NIN: variants seen among roughly 807,000 people sequenced by gnomAD.
NIN encodes the protein glycogen synthase kinase 3 beta-interacting protein.
NIN carries 137 observed loss-of-function variants against 257.6 expected under a neutral mutation model. The ratio of observed to expected loss-of-function variants is 0.53; its 90% CI spans 0.46 to 0.61. The LOEUF is 0.61. NIN is among the 20% of genes least tolerant of loss of function. The pLI is 0.00. For synonymous variants in NIN, 918 were observed against 919.8 expected, an observed-to-expected ratio of 1.00 and a Z score of 0.04; for missense variants, 2,439 against 2,501.2, an observed-to-expected ratio of 0.98 and a Z score of 0.53.
chr14:50,739,606 CCT>C (rs2041174517), intron 25 of NIN, 119 bp from the exon 26 acceptor site: 4 of 776,142 alleles, frequency 5.2e-6, no homozygotes. Flanking sequence ...TCAATTGTCC[CCT>C]CAGTCTTCTA....
In NIN at chr14:50,729,735, G is replaced by C; in HGVS notation, c.5878-12C>G. On this transcript the variant is annotated splice_polypyrimidine_tract_variant and intron_variant, in intron 28 of 30. Coordinates refer to ENST00000530997, the MANE Select transcript of NIN (RefSeq NM_020921.4). ...CTCAGGTGCTGCATCTGAAGGACAA[G>C]GGCAAAGCCCTGTTCAGCTGAGTCC... 8.2e-6 allele frequency: 13 copies of C among 1,583,626 alleles called. No homozygotes were observed. Among genetic ancestry groups the C allele is most frequent in the Non-Finnish European group, 1.1e-5 (13 of 1,164,554 alleles).
chr14:50,720,975 T>C lies in NIN; in HGVS notation c.*2488A>G. 1 of 191,684 alleles carries C rather than the reference T, an allele frequency of 5.2e-6. No homozygotes were observed. Among genetic ancestry groups the C allele is most frequent in the Non-Finnish European group, 1.1e-5 (1 of 91,550 alleles). 11.9% of individuals were successfully genotyped at this position (191,684 alleles called of 1,614,324 possible). On this transcript the variant is annotated 3_prime_UTR_variant, in exon 31 of 31. Transcript: ENST00000530997. Reference sequence around the variant, plus strand: ...ATATATAACTTAATATTTTGAAGAATGCTATTGTAAAGTTTGAAACAAGAT... The same window carrying C: ...ATATATAACTTAATATTTTGAAGAACGCTATTGTAAAGTTTGAAACAAGAT...
Position 50,772,307 on chromosome 14 carries a change from G to T in NIN, c.975C>A (p.Ile325=), listed in dbSNP as rs2042768089. 6 of 1,594,270 alleles carry T rather than the reference G, an allele frequency of 3.8e-6. No homozygotes were observed. The highest frequency in any genetic ancestry group is 5.2e-6 in the Non-Finnish European group (6 of 1,163,938). Residue 325 remains isoleucine (I), a synonymous_variant, in exon 9 of 31, where the codon ATC becomes ATA. Coordinates refer to ENST00000530997, the MANE Select transcript of NIN (RefSeq NM_020921.4). ...QEEGIENSQE[I]LKALDFSLDG... is the part of the protein sequence containing the mutation. The stretch of plus-strand genomic sequence containing the variant: ...TCAATTTTAGCTGCCACACCTTCAG[G>T]ATCTCCTGGCTGTTCTCAATGCCCT...
Position 50,758,041 on chromosome 14 carries a change from T to C in NIN, c.2989A>G (p.Thr997Ala). 2 of 1,614,240 alleles carry C rather than the reference T, an allele frequency of 1.2e-6. No homozygotes were observed. Among genetic ancestry groups the C allele is most frequent in the South Asian group, 2.2e-5 (2 of 91,082 alleles). Residue 997 changes from threonine (T) to alanine (A), a missense_variant, in exon 18 of 31, where the codon ACC becomes GCC. Transcript: ENST00000530997. ...CTTTCTCGATCTGCTGTCTCACAGG[T>C]CGCTTTGTGAATGTTCTCCATGGCT... is the stretch of plus-strand genomic sequence containing the variant. ...LLAMENIHKA[T>A]CETADRERAE...
At chr14:50,796,536 C>T (rs1049169247) in intron 4 of NIN, among the ~76,000 whole-genome samples, 2 of 152,200 alleles carry the variant, frequency 1.3e-5, no homozygotes, top group Non-Finnish European at 2.9e-5. Flanking sequence ...TATTTCACAT[C>T]TCATCTGTCC....
intron 28 of NIN, among the ~76,000 whole-genome samples, chr14:50,731,725 C>G (rs1342937961): frequency 6.6e-6 from 1 of 152,210 alleles, no homozygotes; most frequent in Non-Finnish European, 1.5e-5. Flanking sequence ...ACCTGGGAGG[C>G]TGAGGCAGAA....
In NIN at chr14:50,756,554, C is replaced by G. The variant is rs768404218; in HGVS notation, c.4476G>C (p.Lys1492Asn). ...LSHGEKEEEL[K>N]AMMHDLQITC... ...TGATCTGCAAGTCATGCATCATTGC[C>G]TTCAGCTCTTCCTCCTTTTCTCCGT... Residue 1492 changes from lysine to asparagine, a missense_variant, in exon 18 of 31, where the codon AAG becomes AAC. Physicochemically the swap from Lys to Asn is moderately conservative, Grantham distance 94. Coordinates refer to ENST00000530997, the MANE Select transcript of NIN (RefSeq NM_020921.4). 1.9e-6 allele frequency: 3 copies of G among 1,613,306 alleles called. No homozygotes were observed. The highest frequency in any genetic ancestry group is 2.2e-5 in the South Asian group (2 of 90,950).
chr14:50,789,913 G>A (rs2043513027), intron 5 of NIN, among the ~76,000 whole-genome samples: 1 of 152,240 alleles, frequency 6.6e-6, no homozygotes, highest in South Asian at 2.1e-4. Context: ...CAAGACTGAT[G>A]CATTGACAAG....
rs185528588 is a variant in NIN, at chr14:50,744,224, G to C, written c.5187+19C>G. ...GTGTATTGTATACGATGATGGTAAA[G>C]TCTTATTACTTCTACTACCTTATCG... On this transcript the variant is annotated intron_variant, in intron 23 of 30. Transcript: ENST00000530997. The C allele has an allele frequency of 6.2e-7, 1 of 1,612,242 alleles. No individual in the cohort carries two copies. The highest frequency in any genetic ancestry group is 2.2e-5 in the East Asian group (1 of 44,806).
Position 50,760,456 on chromosome 14 carries a change from T to C in NIN, c.1897-97A>G, listed in dbSNP as rs1797101370. ...CAATTGCTTTTTTTTTTTTTTTTTT[T>C]TTCCCTACAAGACATTTCTCATTTC... On this transcript the variant is annotated intron_variant, in intron 16 of 30. Transcript: ENST00000530997. 2.6e-6 allele frequency: 3 copies of C among 1,153,232 alleles called. No homozygotes were observed. In the East Asian group the frequency reaches 7.4e-5, roughly 28 times the overall value. The allele number at this position is 1,153,232 out of a possible 1,614,324, so 71.4% of individuals were successfully genotyped here.
intron 5 of NIN, among the ~76,000 whole-genome samples, chr14:50,781,167 C>T (rs2043120208): frequency 6.6e-6 from 1 of 151,916 alleles, no homozygotes; most frequent in Non-Finnish European, 1.5e-5. Flanking sequence ...TTGGAAACAC[C>T]CCAGAACTAA....
At position 50,738,175 on chromosome 14, in the gene NIN, G is replaced by T. The variant is rs1009619469; in HGVS notation, c.5740C>A (p.Gln1914Lys). The T allele has an allele frequency of 1.9e-6, 3 of 1,614,008 alleles. No homozygotes were observed. The African/African-American group carries it at 4.0e-5, about 22-fold the overall frequency. Residue 1914 changes from glutamine (Q) to lysine (K), a missense_variant, in exon 27 of 31, where the codon CAG (glutamine) becomes AAG (lysine). This residue lies in a region of NIN where 2,043 missense variants were observed against 2,050.2 expected (regional missense o/e 1.00). Coordinates refer to ENST00000530997, the MANE Select transcript of NIN (RefSeq NM_020921.4). ...EKLSLKRECD[Q>K]FQKEQSPANR... ...GCAGGAGATTGTTCTTTCTGAAACT[G>T]ATCACACTCTCTCTTTAAGCTCAAT...
At chr14:50,771,977 C>T (rs1438065377) in intron 9 of NIN, 1 of 230,020 alleles carries the variant, frequency 4.3e-6, no homozygotes, top group East Asian at 9.4e-5. Flanking sequence ...TAAAACGAGA[C>T]TCCGTCTCAA....
chr14:50,811,818 C>G (rs962324463), intron 3 of NIN, among the ~76,000 whole-genome samples: 2 of 151,976 alleles, frequency 1.3e-5, no homozygotes, highest in African/African-American at 4.8e-5. Flanking sequence ...CGTGGTGAAA[C>G]CCCGTCTCTA....
At chr14:50,827,937 C>T (rs534665777) in intron 2 of NIN, among the ~76,000 whole-genome samples, 135 of 151,092 alleles carry the variant, frequency 8.9e-4, no homozygotes, top group Middle Eastern at 6.8e-3. Flanking sequence ...TGGTAGATTA[C>T]CCAATCAAGT....
chr14:50,727,404 C>A, intron 29 of NIN: 1 of 1,069,596 alleles, frequency 9.3e-7, no homozygotes, highest in Non-Finnish European at 1.1e-6. Context: ...ATATAGACTA[C>A]ATCCTTTCAA....
chr14:50,822,805 T>C (rs1348213309), intron 2 of NIN, among the ~76,000 whole-genome samples: 1 of 152,230 alleles, frequency 6.6e-6, no homozygotes, highest in Non-Finnish European at 1.5e-5. Context: ...GGGAAGAATA[T>C]TCCCAGAAGC....
chr14:50,797,685 A>G (rs1207825634), intron 4 of NIN, among the ~76,000 whole-genome samples: 6 of 152,176 alleles, frequency 3.9e-5, no homozygotes, highest in Non-Finnish European at 5.9e-5. Flanking sequence ...GATTCTAAAT[A>G]AGAGAAGGGA....
intron 2 of NIN, among the ~76,000 whole-genome samples, chr14:50,829,037 G>A (rs893141262): frequency 6.6e-6 from 1 of 152,120 alleles, no homozygotes; most frequent in Non-Finnish European, 1.5e-5. Flanking sequence ...TAACTTTGCC[G>A]ATGTCCAACC....
Sources: gnomAD v4.1 joint callset for allele counts (sites outside exome capture counted in the v4.1 genomes callset) on GRCh38, gnomAD v4.1.1 for gene constraint, gnomAD v4.1.1 regional missense constraint, MANE v1.5 for transcripts, NCBI Gene and HGNC (gene_info 2026-07-23, HGNC 2026-07-21) for gene names.